Variants in SMYD3 observed in about 807,000 individuals in gnomAD.
SMYD3 encodes the protein histone-lysine N-methyltransferase SMYD3.
Under a neutral mutation model 57.7 loss-of-function variants are expected in SMYD3, and 36 were observed. The ratio of observed to expected loss-of-function variants is 0.62; its 90% CI spans 0.48 to 0.82. SMYD3 has a LOEUF of 0.82. SMYD3 is among the 40% of genes least tolerant of loss of function. The pLI is 0.00. For missense variants in SMYD3, 515 were observed against 538.8 expected (o/e 0.96, Z 0.44); for synonymous variants, 211 against 195.0 (o/e 1.08, Z -0.68).
At chr1:245,994,845 G>A (rs187108343) in intron 5 of SMYD3, among the ~76,000 whole-genome samples, 2 of 152,142 alleles carry the variant, frequency 1.3e-5, no homozygotes, top group African/African-American at 4.8e-5. Context: ...TCTAACCTTC[G>A]GCTGGGCGCA....
intron 8 of SMYD3, among the ~76,000 whole-genome samples, chr1:245,896,254 T>C (rs2148599662): frequency 6.6e-6 from 1 of 152,248 alleles, no homozygotes; most frequent in East Asian, 1.9e-4. Flanking sequence ...TTTTTACCTA[T>C]GTACTCGAAA....
At position 245,921,568 on chromosome 1, in the gene SMYD3, T is replaced by C. The variant is rs376475661; in HGVS notation, c.703-5928A>G. On this transcript the variant is annotated intron_variant, in intron 7 of 11. Coordinates refer to ENST00000490107, the MANE Select transcript of SMYD3 (RefSeq NM_001167740.2). Reference sequence around the variant, plus strand: ...TGTGGTGTATATATATATATATATATATACACATACCATGGAATAGTATGC... The same window carrying C: ...TGTGGTGTATATATATATATATATACATACACATACCATGGAATAGTATGC... Among the ~76,000 whole-genome samples the C allele has an allele frequency of 1.8e-3, 213 of 120,130 alleles. 3 individuals are homozygous for C. The highest frequency in any genetic ancestry group is 6.0e-3 in the African/African-American group (197 of 33,084). 78.8% of individuals were successfully genotyped at this position (120,130 alleles called of 152,430 possible).
intron 8 of SMYD3, among the ~76,000 whole-genome samples, chr1:245,898,063 T>A (rs1191944432): frequency 6.6e-6 from 1 of 152,178 alleles, no homozygotes; most frequent in Non-Finnish European, 1.5e-5. Context: ...TACTGTGAAT[T>A]TTGAAAGTAG....
intron 5 of SMYD3, chr1:245,930,343 G>A (rs560107137): frequency 9.5e-5 from 34 of 356,576 alleles, no homozygotes; most frequent in Non-Finnish European, 1.3e-4. Context: ...GTTTCCAAAT[G>A]CCACTGTGTA....
At chr1:246,082,374 C>T (rs149457198) in intron 5 of SMYD3, among the ~76,000 whole-genome samples, 196 of 152,250 alleles carry the variant, frequency 1.3e-3, no homozygotes, top group African/African-American at 4.0e-3. Context: ...GTTTTTCAGA[C>T]GTTAGCATGC....
intron 1 of SMYD3, among the ~76,000 whole-genome samples, chr1:246,448,504 G>A (rs1279427481): frequency 2.0e-5 from 3 of 151,976 alleles, no homozygotes; most frequent in Admixed American, 6.6e-5. Context: ...AGGCCAGATC[G>A]TAGGTAACTA....
At chr1:245,884,273 C>T (rs763831363) in intron 8 of SMYD3, among the ~76,000 whole-genome samples, 7 of 152,090 alleles carry the variant, frequency 4.6e-5, no homozygotes, top group East Asian at 1.9e-4. Context: ...GGTAAATACC[C>T]GAGGTTCATT....
chr1:246,309,665 C>T (rs1200164168), intron 5 of SMYD3, among the ~76,000 whole-genome samples: 1 of 152,126 alleles, frequency 6.6e-6, no homozygotes. Flanking sequence ...CTCCCAAGGA[C>T]ACTAATGAGG....
At chr1:246,359,581 T>C (rs2065957500) in intron 1 of SMYD3, among the ~76,000 whole-genome samples, 3 of 152,068 alleles carry the variant, frequency 2.0e-5, no homozygotes, top group South Asian at 4.1e-4. Context: ...ACAAGCTAAC[T>C]GAATCCAGCA....
chr1:245,941,191 T>C (rs1279252234), intron 5 of SMYD3, among the ~76,000 whole-genome samples: 7 of 152,142 alleles, frequency 4.6e-5, no homozygotes, highest in African/African-American at 1.7e-4. Flanking sequence ...CTACGAATGA[T>C]TGGGGTACCT....
chr1:246,427,525 A>AT (rs373968066), intron 1 of SMYD3, among the ~76,000 whole-genome samples: 9 of 146,240 alleles, frequency 6.2e-5, no homozygotes, highest in Admixed American at 2.0e-4. Context: ...GTCTCAAAAA[A>AT]AAAAAAAATA....
Position 246,405,383 on chromosome 1 carries a change from T to G in SMYD3, c.165-50289A>C, listed in dbSNP as rs568008176. ...ACTCAAAATCTGCCTTTCTAGCTAC[T>G]GGAAAATATACAATACGTTGTGGTT... is the stretch of plus-strand genomic sequence containing the variant. On this transcript the variant is annotated intron_variant, in intron 1 of 11. Coordinates refer to ENST00000490107, the MANE Select transcript of SMYD3 (RefSeq NM_001167740.2). Among the ~76,000 whole-genome samples, 55 of 152,302 alleles carry G rather than the reference T, an allele frequency of 3.6e-4. 1 individual carries two copies. The highest frequency in any genetic ancestry group is 1.3e-3 in the African/African-American group (52 of 41,554).
intron 5 of SMYD3, among the ~76,000 whole-genome samples, chr1:246,127,773 G>A (rs1407035817): frequency 6.6e-6 from 1 of 152,090 alleles, no homozygotes; most frequent in African/African-American, 2.4e-5. Context: ...GCGCGTGCCT[G>A]TAATCCCAGC....
intron 6 of SMYD3, among the ~76,000 whole-genome samples, 193 bp from the exon 7 acceptor site, chr1:245,928,226 T>C (rs1050586090): frequency 6.6e-6 from 1 of 151,984 alleles, no homozygotes; most frequent in Admixed American, 6.6e-5. Context: ...AGTGCAATTC[T>C]CCTCAAGATG....
rs1339137699 is a variant in SMYD3 at position 245,897,120 on chromosome 1, A to C, written c.813+18410T>G. Among the ~76,000 whole-genome samples, 7 of 152,280 alleles carry C rather than the reference A, an allele frequency of 4.6e-5. No homozygotes were observed. In the East Asian group the frequency reaches 1.3e-3, roughly 29 times the overall value. On this transcript the variant is annotated intron_variant, in intron 8 of 11. Transcript: ENST00000490107. Reference sequence around the variant, plus strand: ...CATGCATTAAAGTAAAAAAGAAGTTATAAAACCAAAATAGGCAGAAATAAA... The same window carrying C: ...CATGCATTAAAGTAAAAAAGAAGTTCTAAAACCAAAATAGGCAGAAATAAA...
chr1:246,179,846 G>A lies in SMYD3; in HGVS notation c.531+147355C>T, dbSNP rs112823360. ...CCACAGTCTCTTTCTAAGTGAAGGG[G>A]AAGATTGGTTTTTGCTGTTCCTTGT... On this transcript the variant is annotated intron_variant, in intron 5 of 11. Coordinates refer to ENST00000490107, the MANE Select transcript of SMYD3 (RefSeq NM_001167740.2). Among the ~76,000 whole-genome samples the A allele has an allele frequency of 1.6e-3, 244 of 152,280 alleles. 1 individual carries two copies. The highest frequency in any genetic ancestry group is 5.5e-3 in the African/African-American group (227 of 41,556).
At chr1:246,241,727 C>CT (rs140008073) in intron 5 of SMYD3, among the ~76,000 whole-genome samples, 31,490 of 151,912 alleles carry the variant, frequency 0.21, 3,975 homozygotes, top group East Asian at 0.58. Context: ...TGGTCCTGAA[C>CT]TTTTTTGGTT....
intron 5 of SMYD3, among the ~76,000 whole-genome samples, chr1:246,029,428 T>A (rs571444310): frequency 1.6e-4 from 24 of 152,162 alleles, no homozygotes; most frequent in African/African-American, 5.1e-4. Flanking sequence ...TCCCAGCACC[T>A]TGGGAGACAG....
At chr1:245,930,158 T>C (rs2056628351) in intron 5 of SMYD3, 10 of 476,876 alleles carry the variant, frequency 2.1e-5, no homozygotes, top group Non-Finnish European at 3.5e-5. Context: ...ACCAACCTCC[T>C]GGGAGAAAAA....
Sources: allele counts gnomAD v4.1 joint callset (sites outside exome capture counted in the v4.1 genomes callset), GRCh38; gene constraint gnomAD v4.1.1; transcripts MANE v1.5; gene names NCBI Gene and HGNC (gene_info 2026-07-23, HGNC 2026-07-21).